CACNB4: variants seen among roughly 807,000 people sequenced by gnomAD.
CACNB4 encodes the protein calcium voltage-gated channel auxiliary subunit beta 4, also known as voltage-dependent L-type calcium channel subunit beta-4.
In CACNB4, 32 loss-of-function variants were observed where a neutral mutation model predicts 71.2. The observed-to-expected ratio is 0.45, with a 90% confidence interval of 0.34 to 0.60. CACNB4 has a LOEUF of 0.60. CACNB4 is among the 20% of genes least tolerant of loss of function. The pLI, the probability that CACNB4 is intolerant of heterozygous loss-of-function variation, is 0.01. For missense variants in CACNB4, 464 were observed against 647.9 expected (o/e 0.72, Z 3.08); for synonymous variants, 231 against 236.9 (o/e 0.97, Z 0.23).
At chr2:151,984,486 A>C (rs1052029967) in intron 2 of CACNB4, among the ~76,000 whole-genome samples, 4 of 152,196 alleles carry the variant, frequency 2.6e-5, no homozygotes, top group African/African-American at 9.6e-5. Context: ...GATATCTTCT[A>C]GAATACTAAC....
At chr2:152,088,411 C>T (rs550092142) in intron 2 of CACNB4, among the ~76,000 whole-genome samples, 1 of 152,258 alleles carries the variant, frequency 6.6e-6, no homozygotes, top group South Asian at 2.1e-4. Flanking sequence ...AAAAAATTTT[C>T]CATAAGGAAT....
At chr2:151,932,470 A>T (rs2151606312) in intron 2 of CACNB4, among the ~76,000 whole-genome samples, 1 of 152,242 alleles carries the variant, frequency 6.6e-6, no homozygotes, top group South Asian at 2.1e-4. Flanking sequence ...CATATCTGAT[A>T]TGAGTTGAAT....
chr2:152,037,596 T>A (rs987963754), intron 2 of CACNB4, among the ~76,000 whole-genome samples: 1 of 152,240 alleles, frequency 6.6e-6, no homozygotes, highest in Admixed American at 6.5e-5. Context: ...TAATGTGACC[T>A]TCTGACTCCC....
chr2:151,998,796 G>A (rs191219586), intron 2 of CACNB4, among the ~76,000 whole-genome samples: 67 of 152,176 alleles, frequency 4.4e-4, no homozygotes, highest in African/African-American at 1.5e-3. Context: ...CCCTGCGTTC[G>A]AGGGCTGTCT....
At chr2:151,936,836 T>C (rs1300049684) in intron 2 of CACNB4, among the ~76,000 whole-genome samples, 1 of 152,270 alleles carries the variant, frequency 6.6e-6, no homozygotes, top group Non-Finnish European at 1.5e-5. Flanking sequence ...ACTATGATTC[T>C]GTCTAACATG....
chr2:152,012,177 C>G (rs978947676), intron 2 of CACNB4, among the ~76,000 whole-genome samples: 1 of 151,684 alleles, frequency 6.6e-6, no homozygotes, highest in Non-Finnish European at 1.5e-5. Context: ...GCATCATTGT[C>G]ATAGCAGATG....
chr2:151,951,567 A>G (rs1411656691), intron 2 of CACNB4, among the ~76,000 whole-genome samples: 3 of 152,220 alleles, frequency 2.0e-5, no homozygotes, highest in Non-Finnish European at 4.4e-5. Flanking sequence ...AATGAGATAT[A>G]TCATAAGTCA....
At chr2:151,927,477 T>G (rs2099860543) in intron 2 of CACNB4, among the ~76,000 whole-genome samples, 1 of 152,196 alleles carries the variant, frequency 6.6e-6, no homozygotes, top group Non-Finnish European at 1.5e-5. Flanking sequence ...TCCCATCTTC[T>G]CATTAAAATA....
chr2:151,846,332 T>C (rs1287498406), intron 12 of CACNB4, among the ~76,000 whole-genome samples: 1 of 152,208 alleles, frequency 6.6e-6, no homozygotes, highest in Admixed American at 6.5e-5. Flanking sequence ...TTTTCAATTC[T>C]TTTTGGAGGG....
chr2:151,928,645 T>C (rs1249617245), intron 2 of CACNB4, among the ~76,000 whole-genome samples: 1 of 152,168 alleles, frequency 6.6e-6, no homozygotes, highest in Middle Eastern at 3.2e-3. Context: ...ACAAAAAGGC[T>C]GGGTGCAGTG....
chr2:151,944,376 G>T (rs560021831), intron 2 of CACNB4, among the ~76,000 whole-genome samples: 5 of 152,078 alleles, frequency 3.3e-5, no homozygotes, highest in African/African-American at 1.2e-4. Flanking sequence ...ACAGTGCTGA[G>T]CTCCTATGAT....
chr2:151,949,655 T>G (rs1284034643), intron 2 of CACNB4, among the ~76,000 whole-genome samples: 2 of 152,148 alleles, frequency 1.3e-5, no homozygotes. Flanking sequence ...AAGGTCCTGA[T>G]GTGCCAAGGA....
At chr2:152,017,829 C>T (rs145832644) in intron 2 of CACNB4, among the ~76,000 whole-genome samples, 212 of 151,940 alleles carry the variant, frequency 1.4e-3, no homozygotes, top group African/African-American at 4.9e-3. Context: ...TTTAATTTTA[C>T]ACACAATTCT....
intron 2 of CACNB4, among the ~76,000 whole-genome samples, chr2:152,091,852 C>T (rs1687990252): frequency 6.6e-6 from 1 of 152,180 alleles, no homozygotes; most frequent in African/African-American, 2.4e-5. Flanking sequence ...CTACAAGAAG[C>T]TAACCAAGCA....
chr2:151,975,937 G>A lies in CACNB4; in HGVS notation c.148-92567C>T, dbSNP rs184346742. 2.1e-3 allele frequency among the ~76,000 whole-genome samples: 318 copies of A among 152,338 alleles called. 1 individual carries two copies. Among genetic ancestry groups the A allele is most frequent in the Admixed American group, 3.8e-3 (58 of 15,302 alleles). ...GCCCACTTTCACAATTCACCAAGAT[G>A]AGACAAATTGTTCCCAACTGGATAA... is the stretch of plus-strand genomic sequence containing the variant. On this transcript the variant is annotated intron_variant, in intron 2 of 13. Transcript: ENST00000539935.
At chr2:151,926,126 A>C (rs2099860188) in intron 2 of CACNB4, among the ~76,000 whole-genome samples, 2 of 152,214 alleles carry the variant, frequency 1.3e-5, no homozygotes, top group Non-Finnish European at 2.9e-5. Context: ...GATAAATGAA[A>C]GAATGTATAT....
At chr2:151,951,743 T>C (rs184413442) in intron 2 of CACNB4, among the ~76,000 whole-genome samples, 1 of 152,296 alleles carries the variant, frequency 6.6e-6, no homozygotes, top group African/African-American at 2.4e-5. Context: ...TGCACCTCTG[T>C]TTCTTCCTAA....
rs187389127 is a variant in CACNB4, at chr2:151,954,313, A to G, written c.148-70943T>C. Among the ~76,000 whole-genome samples the G allele has an allele frequency of 2.0e-5, 3 of 152,364 alleles. No individual in the cohort carries two copies. In the East Asian group the frequency reaches 5.8e-4, roughly 29 times the overall value. Reference sequence around the variant, plus strand: ...GGCTATGAATTAATAGAGTAATTTTATTTAGGCAGAATTATTTCCAAGGAA... The same window carrying G: ...GGCTATGAATTAATAGAGTAATTTTGTTTAGGCAGAATTATTTCCAAGGAA... On this transcript the variant is annotated intron_variant, in intron 2 of 13. Coordinates refer to ENST00000539935, the MANE Select transcript of CACNB4 (RefSeq NM_000726.5).
At chr2:152,008,689 C>T (rs78870927) in intron 2 of CACNB4, among the ~76,000 whole-genome samples, 5,243 of 152,262 alleles carry the variant, frequency 0.034, 120 homozygotes, top group Non-Finnish European at 0.05. Context: ...TCATCTCCCA[C>T]CTGGCCCCCT....
Sources: allele counts gnomAD v4.1 joint callset (sites outside exome capture counted in the v4.1 genomes callset), GRCh38; gene constraint gnomAD v4.1.1; transcripts MANE v1.5; gene names NCBI Gene and HGNC (gene_info 2026-07-23, HGNC 2026-07-21).